SCFD1: variants seen among roughly 807,000 people sequenced by gnomAD.
The protein encoded by SCFD1 is sec1 family domain-containing protein 1.
SCFD1 carries 37 observed loss-of-function variants against 103.2 expected under a neutral mutation model. That is an observed-to-expected ratio of 0.36 (90% CI 0.28 to 0.47). The LOEUF is 0.47. Ranked by LOEUF, SCFD1 falls within the 20% of genes least tolerant of loss-of-function variation. SCFD1 has a pLI of 1.00. For missense variants in SCFD1, 639 were observed against 761.2 expected, an observed-to-expected ratio of 0.84 and a Z score of 1.89; for synonymous variants, 264 against 245.0, an observed-to-expected ratio of 1.08 and a Z score of -0.73.
At chr14:30,667,396 G>C (rs1297665770) in intron 10 of SCFD1, among the ~76,000 whole-genome samples, 1 of 152,112 alleles carries the variant, frequency 6.6e-6, no homozygotes, top group Non-Finnish European at 1.5e-5. Context: ...GGTATTGATG[G>C]AACGTATCTC....
At chr14:30,714,309 G>GCGCCACTGCAGTC (rs1892116119) in intron 19 of SCFD1, among the ~76,000 whole-genome samples, 1 of 150,520 alleles carries the variant, frequency 6.6e-6, no homozygotes, top group East Asian at 2.0e-4. Context: ...AGCCGAGATT[G>GCGCCACTGCAGTC]CGCCACTGCA....
chr14:30,693,403 A>T lies in SCFD1; in HGVS notation c.1243-1370A>T, dbSNP rs201311011. ...CTCAGTATATGTCTTTTTATGTTGT[A>T]TTCATTTTTGAACTATCTGGATATT... On this transcript the variant is annotated intron_variant, in intron 14 of 24. Transcript: ENST00000458591. Among the ~76,000 whole-genome samples, 3 of 152,148 alleles carry T rather than the reference A, an allele frequency of 2.0e-5. No homozygotes were observed. In the East Asian group the frequency reaches 5.8e-4, roughly 29 times the overall value.
chr14:30,735,491 A>T, intron 24 of SCFD1, 95 bp from the exon 25 acceptor site: 1 of 816,578 alleles, frequency 1.2e-6, no homozygotes, highest in Non-Finnish European at 2.1e-6. Context: ...ATAAAATAGG[A>T]AGTGTAATTT....
intron 7 of SCFD1, among the ~76,000 whole-genome samples, chr14:30,644,446 ACTAATTTACATTCCTACCAACAGCGT>A (rs1398815490): frequency 6.6e-6 from 1 of 152,234 alleles, no homozygotes; most frequent in East Asian, 1.9e-4. Flanking sequence ...CAGTGGCTGA[ACTAATTTACATTCCTACCAACAGCGT>A]ATAAGTGTTC....
chr14:30,707,404 G>A (rs1275608701), intron 18 of SCFD1, among the ~76,000 whole-genome samples: 1 of 152,210 alleles, frequency 6.6e-6, no homozygotes, highest in Non-Finnish European at 1.5e-5. Context: ...TCTCAGAGTT[G>A]AGGCAAAATT....
At chr14:30,724,643 A>G (rs192811636) in intron 23 of SCFD1, among the ~76,000 whole-genome samples, 205 of 152,182 alleles carry the variant, frequency 1.3e-3, no homozygotes, top group Non-Finnish European at 1.1e-3. Flanking sequence ...CTACCATCCT[A>G]TAGGTTTTCT....
chr14:30,625,892 T>G (rs1488385156), intron 1 of SCFD1, among the ~76,000 whole-genome samples: 1 of 152,134 alleles, frequency 6.6e-6, no homozygotes, highest in Non-Finnish European at 1.5e-5. Context: ...AAGGCCTAAC[T>G]GTGCAGCATA....
chr14:30,719,306 G>T lies in SCFD1; in HGVS notation c.1684-19G>T, dbSNP rs1232323847. 4 of 1,545,648 alleles carry T rather than the reference G, an allele frequency of 2.6e-6. No homozygotes were observed. Among genetic ancestry groups the T allele is most frequent in the Non-Finnish European group, 3.5e-6 (4 of 1,129,648 alleles). ...AGAGAAATTCCACAGTCATGGTAAA[G>T]TTCTATTTTTTTTAATAGGAAACTG... On this transcript the variant is annotated intron_variant, in intron 20 of 24. Transcript: ENST00000458591.
chr14:30,643,772 T>G (rs1370122422), intron 7 of SCFD1: 6 of 302,526 alleles, frequency 2.0e-5, no homozygotes, highest in Non-Finnish European at 3.8e-5. Flanking sequence ...TGGTAACTAT[T>G]AAGTTCAGAT....
intron 20 of SCFD1, among the ~76,000 whole-genome samples, chr14:30,718,558 A>G (rs192932679): frequency 1.1e-4 from 16 of 152,360 alleles, no homozygotes; most frequent in African/African-American, 3.8e-4. Context: ...TTTGGAGGCA[A>G]TGAAGAGATT....
chr14:30,662,784 C>T (rs1043428654), intron 10 of SCFD1, among the ~76,000 whole-genome samples: 4 of 152,216 alleles, frequency 2.6e-5, no homozygotes, highest in Non-Finnish European at 4.4e-5. Flanking sequence ...TTAACTCTCT[C>T]TGGCTCTACT....
chr14:30,708,221 G>A (rs766322503), intron 19 of SCFD1, among the ~76,000 whole-genome samples, 156 bp downstream of exon 19: 22 of 152,082 alleles, frequency 1.4e-4, no homozygotes, highest in Non-Finnish European at 2.4e-4. Flanking sequence ...GGGTACATGT[G>A]CAGGGTGTGC....
intron 1 of SCFD1, among the ~76,000 whole-genome samples, chr14:30,626,389 T>C (rs1883454421): frequency 6.6e-6 from 1 of 151,930 alleles, no homozygotes; most frequent in South Asian, 2.1e-4. Flanking sequence ...GGATATGTGT[T>C]TCAAGCTAGG....
chr14:30,707,313 T>C (rs1217185321), intron 18 of SCFD1, among the ~76,000 whole-genome samples: 9 of 152,186 alleles, frequency 5.9e-5, no homozygotes, highest in African/African-American at 2.2e-4. Flanking sequence ...TGTGAGAGAC[T>C]GTTTGAACCA....
intron 15 of SCFD1, 105 bp downstream of exon 15, chr14:30,694,974 T>A (rs1324864997): frequency 6.7e-7 from 1 of 1,493,298 alleles, no homozygotes; most frequent in Non-Finnish European, 8.9e-7. Context: ...TGACAGTCAA[T>A]GCTAATATCA....
intron 3 of SCFD1, 95 bp from the exon 4 acceptor site, chr14:30,633,852 G>A (rs1019161061): frequency 1.2e-5 from 7 of 601,700 alleles, no homozygotes; most frequent in Non-Finnish European, 1.7e-5. Context: ...TTAGAGCACT[G>A]GTTACTGTCC....
At chr14:30,708,795 C>T (rs575654108) in intron 19 of SCFD1, among the ~76,000 whole-genome samples, 4 of 152,160 alleles carry the variant, frequency 2.6e-5, no homozygotes, top group South Asian at 2.1e-4. Context: ...AATTGTACCT[C>T]GATTTCGCAT....
chr14:30,735,261 C>T (rs943219943), intron 24 of SCFD1, among the ~76,000 whole-genome samples: 58 of 151,958 alleles, frequency 3.8e-4, no homozygotes, highest in African/African-American at 1.3e-3. Context: ...TTTACTATGA[C>T]GACGTTTATT....
intron 3 of SCFD1, among the ~76,000 whole-genome samples, chr14:30,631,383 A>T (rs1244411321): frequency 6.6e-6 from 1 of 152,104 alleles, no homozygotes; most frequent in African/African-American, 2.4e-5. Flanking sequence ...TAATTAAAAT[A>T]AAAATAAACT....
Sources: allele counts gnomAD v4.1 joint callset (sites outside exome capture counted in the v4.1 genomes callset), GRCh38; gene constraint gnomAD v4.1.1; transcripts MANE v1.5; gene names NCBI Gene and HGNC (gene_info 2026-07-23, HGNC 2026-07-21).